Variants in SPEF2 observed in about 807,000 individuals in gnomAD.
SPEF2 encodes the protein sperm flagella and cilia-associated protein 2.
A neutral mutation model predicts 224.6 loss-of-function variants in SPEF2; 187 were observed. That is an observed-to-expected ratio of 0.83 (90% CI 0.74 to 0.94). The LOEUF is 0.94. SPEF2 is among the 40% of genes least tolerant of loss of function. The pLI is 0.00. For missense variants in SPEF2, 2,170 were observed against 2,135.6 expected (o/e 1.02, Z -0.32); for synonymous variants, 715 against 707.3 (o/e 1.01, Z -0.17).
intron 24 of SPEF2, among the ~76,000 whole-genome samples, chr5:35,754,374 T>C (rs1485919803): frequency 6.6e-6 from 1 of 152,162 alleles, no homozygotes; most frequent in East Asian, 1.9e-4. Flanking sequence ...TAGAGAGTTT[T>C]TAAGAGCTGA....
rs557498760 is a variant in SPEF2, at chr5:35,720,257, G to A, written c.2914+7371G>A. 2.6e-5 allele frequency among the ~76,000 whole-genome samples: 4 copies of A among 152,250 alleles called. No individual in the cohort carries two copies. The South Asian group carries it at 8.3e-4, about 32-fold the overall frequency. ...CTTGCTTACTCCTTAATTATTAAAG[G>A]CCATAAATAGTCAAAATAAGTTTCC... is the stretch of plus-strand genomic sequence containing the variant. On this transcript the variant is annotated intron_variant, in intron 20 of 36. Coordinates refer to ENST00000356031, the MANE Select transcript of SPEF2 (RefSeq NM_024867.4).
intron 20 of SPEF2, among the ~76,000 whole-genome samples, chr5:35,716,139 T>C (rs1742524757): frequency 6.6e-6 from 1 of 151,956 alleles, no homozygotes; most frequent in African/African-American, 2.4e-5. Flanking sequence ...TTGGACATTC[T>C]CAAATGTCCA....
At chr5:35,644,580 A>G in intron 4 of SPEF2, 55 bp downstream of exon 4, 1 of 1,386,668 alleles carries the variant, frequency 7.2e-7, no homozygotes, top group Non-Finnish European at 9.8e-7. Context: ...ACAGTTTGTG[A>G]TTTATGCGTA....
Position 35,700,613 on chromosome 5 carries a change from A to G in SPEF2, c.2259A>G (p.Arg753=). 1 of 1,613,954 alleles carries G rather than the reference A, an allele frequency of 6.2e-7. No homozygotes were observed. The highest frequency in any genetic ancestry group is 8.5e-7 in the Non-Finnish European group (1 of 1,179,938). ...ATAGAAACCTCACAGAAGTGGAAAGAAAAAAAGCACAAAAATCCACATTGG... is the reference window on the plus strand; with the variant it reads ...ATAGAAACCTCACAGAAGTGGAAAGGAAAAAAGCACAAAAATCCACATTGG... ...GCNRNLTEVE[R]KKAQKSTLAI... is the part of the protein sequence containing the mutation. Residue 753 remains arginine (R), a synonymous_variant, in exon 16 of 37, where the codon AGA becomes AGG. Coordinates refer to ENST00000356031, the MANE Select transcript of SPEF2 (RefSeq NM_024867.4).
Position 35,646,721 on chromosome 5 carries a change from A to G in SPEF2, c.640A>G (p.Ile214Val). 6.2e-7 allele frequency: 1 copy of G among 1,613,994 alleles called. No homozygotes were observed. Among genetic ancestry groups the G allele is most frequent in the South Asian group, 1.1e-5 (1 of 91,074 alleles). The stretch of plus-strand genomic sequence containing the variant: ...AATAATGGCCAAAATCCAAGCAGCT[A>G]TTATACAGATTCCTAAACCTGCATC... The part of the protein sequence containing the change: ...NEIMAKIQAA[I>V]IQIPKPASNR... The change falls in exon 5 of 37, where the codon ATT becomes GTT. Residue 214 changes from isoleucine to valine, a missense_variant. By Grantham distance (29) the Ile-to-Val change is conservative. Transcript: ENST00000356031.
intron 36 of SPEF2, among the ~76,000 whole-genome samples, chr5:35,808,693 G>A (rs1043533220): frequency 1.4e-5 from 2 of 146,518 alleles, no homozygotes; most frequent in Admixed American, 1.4e-4. Context: ...TTGCTATTGG[G>A]TTTTACATAT....
intron 30 of SPEF2, chr5:35,789,085 A>G: frequency 1.0e-5 from 7 of 685,934 alleles, no homozygotes; most frequent in Non-Finnish European, 1.6e-5. Context: ...CACAGAAAAT[A>G]CTTTCCTTGA....
At chr5:35,749,450 A>G (rs548536149) in intron 23 of SPEF2, among the ~76,000 whole-genome samples, 1 of 152,266 alleles carries the variant, frequency 6.6e-6, no homozygotes, top group Admixed American at 6.5e-5. Context: ...TTACCTTGAA[A>G]ACCCTAAAGA....
intron 2 of SPEF2, among the ~76,000 whole-genome samples, chr5:35,634,928 C>A (rs576693702): frequency 5.9e-5 from 9 of 151,928 alleles, no homozygotes; most frequent in Non-Finnish European, 1.2e-4. Context: ...TCCCATCAAG[C>A]ATATCATATT....
chr5:35,707,191 T>C (rs7733039), intron 18 of SPEF2, among the ~76,000 whole-genome samples: 81,564 of 152,074 alleles, frequency 0.54, 22,313 homozygotes, highest in African/African-American at 0.56. Context: ...TACTTCTATA[T>C]TCTGACCACA....
chr5:35,626,829 G>A (rs886213567), intron 1 of SPEF2, among the ~76,000 whole-genome samples: 2 of 152,114 alleles, frequency 1.3e-5, no homozygotes, highest in African/African-American at 4.8e-5. Context: ...CATGCAAAAA[G>A]TATTATGATA....
At chr5:35,808,495 C>T (rs188994056) in intron 36 of SPEF2, among the ~76,000 whole-genome samples, 11 of 151,770 alleles carry the variant, frequency 7.2e-5, no homozygotes, top group African/African-American at 1.9e-4. Context: ...TGAGAACATG[C>T]GGTATTTGGT....
At chr5:35,754,363 C>CTAGAGA (rs1268880869) in intron 24 of SPEF2, among the ~76,000 whole-genome samples, 1 of 152,156 alleles carries the variant, frequency 6.6e-6, no homozygotes, top group Non-Finnish European at 1.5e-5. Context: ...AGACAAAGGG[C>CTAGAGA]TAGAGAGTTT....
intron 27 of SPEF2, among the ~76,000 whole-genome samples, chr5:35,772,664 T>TA (rs1198449997): frequency 1.3e-5 from 2 of 151,882 alleles, no homozygotes; most frequent in Non-Finnish European, 2.9e-5. Flanking sequence ...AAGGGAAGAG[T>TA]ATTACCTCAA....
chr5:35,754,578 T>A (rs1750168821), intron 24 of SPEF2, among the ~76,000 whole-genome samples: 1 of 152,198 alleles, frequency 6.6e-6, no homozygotes, highest in Non-Finnish European at 1.5e-5. Flanking sequence ...GATGATTAAT[T>A]ATATTACAAA....
intron 23 of SPEF2, among the ~76,000 whole-genome samples, chr5:35,748,357 CA>C (rs894035259): frequency 2.6e-5 from 4 of 150,948 alleles, no homozygotes; most frequent in South Asian, 2.1e-4. Flanking sequence ...GAAATTGGAA[CA>C]AAAAAAATAC....
chr5:35,708,771 G>A (rs966120984), intron 18 of SPEF2, among the ~76,000 whole-genome samples, 177 bp from the exon 19 acceptor site: 7 of 2,588 alleles, frequency 2.7e-3, no homozygotes, highest in Non-Finnish European at 3.8e-3. Flanking sequence ...TGACAAGGGA[G>A]AGAAGACTTG....
chr5:35,687,159 G>C (rs1179319468), intron 10 of SPEF2, among the ~76,000 whole-genome samples: 5 of 152,046 alleles, frequency 3.3e-5, no homozygotes, highest in African/African-American at 1.2e-4. Context: ...AAAGTATAAG[G>C]ATATCTAACA....
Position 35,705,395 on chromosome 5 carries a change from G to A in SPEF2, c.2508-256G>A, listed in dbSNP as rs374482827. On this transcript the variant is annotated intron_variant, in intron 17 of 36. Coordinates refer to ENST00000356031, the MANE Select transcript of SPEF2 (RefSeq NM_024867.4). ...TGATGTTTTCTTAGATTTTCACTTAGAGACCTGTACTCCTACTAAAAGTTT... is the reference window on the plus strand; with the variant it reads ...TGATGTTTTCTTAGATTTTCACTTAAAGACCTGTACTCCTACTAAAAGTTT... 8.4e-4 allele frequency among the ~76,000 whole-genome samples: 128 copies of A among 152,100 alleles called. 1 individual carries two copies. The highest frequency in any genetic ancestry group is 1.3e-3 in the Non-Finnish European group (91 of 67,898).
Sources: gnomAD v4.1 joint callset for allele counts (sites outside exome capture counted in the v4.1 genomes callset) on GRCh38, gnomAD v4.1.1 for gene constraint, MANE v1.5 for transcripts, NCBI Gene and HGNC (gene_info 2026-07-23, HGNC 2026-07-21) for gene names.